Variants in NRCAM observed in about 807,000 individuals in gnomAD.
NRCAM encodes the protein neuronal cell adhesion molecule, also known as NgCAM-related cell adhesion molecule.
Under a neutral mutation model 156.5 loss-of-function variants are expected in NRCAM, and 83 were observed. The observed-to-expected ratio is 0.53, with a 90% CI of 0.44 to 0.64. The LOEUF is 0.64. Among genes scored for constraint, NRCAM ranks in the 30% least tolerant of loss-of-function variants. The pLI is 0.00. For synonymous variants in NRCAM, 538 were observed against 563.9 expected, an observed-to-expected ratio of 0.95 and a Z score of 0.65; for missense variants, 1,417 against 1,597.3, an observed-to-expected ratio of 0.89 and a Z score of 1.92.
At chr7:108,253,464 G>C (rs560298552) in intron 3 of NRCAM, among the ~76,000 whole-genome samples, 1 of 152,302 alleles carries the variant, frequency 6.6e-6, no homozygotes. Context: ...AAGTCCAAGC[G>C]TATAGTGTGT....
At chr7:108,384,686 A>G (rs575465326) in intron 2 of NRCAM, among the ~76,000 whole-genome samples, 1 of 152,344 alleles carries the variant, frequency 6.6e-6, no homozygotes, top group African/African-American at 2.4e-5. Context: ...GTTAAAACAC[A>G]TGCTCTGATT....
chr7:108,175,431 C>T (rs1048820989), intron 27 of NRCAM, 74 bp from the exon 28 acceptor site: 14 of 1,253,744 alleles, frequency 1.1e-5, no homozygotes, highest in Non-Finnish European at 1.5e-5. Context: ...TATAGCGATA[C>T]AAAAACACTT....
At chr7:108,297,987 G>C (rs1366571193) in intron 3 of NRCAM, among the ~76,000 whole-genome samples, 2 of 152,178 alleles carry the variant, frequency 1.3e-5, no homozygotes, top group African/African-American at 2.4e-5. Flanking sequence ...ATCCTGGCTT[G>C]CTCATGGGGC....
chr7:108,172,087 TC>T (rs2058663074), intron 28 of NRCAM, among the ~76,000 whole-genome samples: 1 of 152,154 alleles, frequency 6.6e-6, no homozygotes, highest in South Asian at 2.1e-4. Flanking sequence ...GTTTCTGTAT[TC>T]CAACTAATTA....
intron 2 of NRCAM, among the ~76,000 whole-genome samples, chr7:108,342,178 T>C (rs981556120): frequency 1.3e-5 from 2 of 152,230 alleles, no homozygotes; most frequent in Non-Finnish European, 2.9e-5. Flanking sequence ...AAGTGAATGA[T>C]TTACTTTCAG....
At chr7:108,267,289 T>C (rs2154024860) in intron 3 of NRCAM, among the ~76,000 whole-genome samples, 1 of 152,342 alleles carries the variant, frequency 6.6e-6, no homozygotes, top group African/African-American at 2.4e-5. Flanking sequence ...AGATGTGTGA[T>C]TAGAACTATA....
intron 3 of NRCAM, among the ~76,000 whole-genome samples, chr7:108,260,444 A>C (rs536087074): frequency 1.3e-5 from 2 of 152,330 alleles, no homozygotes; most frequent in African/African-American, 4.8e-5. Flanking sequence ...GATGCTGGAA[A>C]GGATGGAGAG....
chr7:108,287,278 T>A (rs1373714117), intron 3 of NRCAM, among the ~76,000 whole-genome samples: 8 of 152,036 alleles, frequency 5.3e-5, no homozygotes, highest in Non-Finnish European at 1.2e-4. Context: ...TCAAAGAATT[T>A]ATGACTAAGT....
rs1294428727 is a variant in NRCAM, at chr7:108,147,888, G to C, written c.*2022C>G. 2 of 152,642 alleles carry C rather than the reference G, an allele frequency of 1.3e-5. No homozygotes were observed. The highest frequency in any genetic ancestry group is 4.8e-5 in the African/African-American group (2 of 41,464). 9.5% of individuals were successfully genotyped at this position (152,642 alleles called of 1,614,324 possible). On this transcript the variant is annotated 3_prime_UTR_variant, in exon 33 of 33. Transcript: ENST00000379028. The stretch of plus-strand genomic sequence containing the variant: ...CTACCAGTATGGAAGAGGAAAAAAT[G>C]TAGTTTTATTGTTCTCCCAAAATAT...
Position 108,236,434 on chromosome 7 carries a change from G to A in NRCAM, c.124+1318C>T, listed in dbSNP as rs117257520. Among the ~76,000 whole-genome samples, 990 of 151,130 alleles carry A rather than the reference G, an allele frequency of 6.6e-3. 5 individuals are homozygous for A. The highest frequency in any genetic ancestry group is 0.011 in the South Asian group (50 of 4,758). On this transcript the variant is annotated intron_variant, in intron 5 of 32. Coordinates refer to ENST00000379028, the MANE Select transcript of NRCAM (RefSeq NM_001037132.4). ...CTTTCCAGCTGCCCTTCCCCCCTCCGTCATCCATATGGAATCCTCATTTTT... is the reference window on the plus strand; with the variant it reads ...CTTTCCAGCTGCCCTTCCCCCCTCCATCATCCATATGGAATCCTCATTTTT...
intron 2 of NRCAM, among the ~76,000 whole-genome samples, chr7:108,388,217 C>T (rs1188374368): frequency 4.6e-5 from 7 of 152,070 alleles, no homozygotes; most frequent in South Asian, 4.1e-4. Flanking sequence ...CTCTCCAGCA[C>T]CTGTTGTTTC....
At chr7:108,175,782 T>A (rs965958579) in intron 27 of NRCAM, among the ~76,000 whole-genome samples, 1 of 152,208 alleles carries the variant, frequency 6.6e-6, no homozygotes, top group African/African-American at 2.4e-5. Context: ...TTTGATAATT[T>A]TCATTGAATC....
chr7:108,289,323 C>T (rs1035341708), intron 3 of NRCAM, among the ~76,000 whole-genome samples: 2 of 152,140 alleles, frequency 1.3e-5, no homozygotes, highest in East Asian at 1.9e-4. Flanking sequence ...AATATATATT[C>T]ATTGTGGAAT....
intron 3 of NRCAM, among the ~76,000 whole-genome samples, chr7:108,255,134 C>A (rs2096563504): frequency 6.6e-6 from 1 of 151,992 alleles, no homozygotes; most frequent in African/African-American, 2.4e-5. Context: ...AACCTCAAAA[C>A]TATGCTGAGT....
At chr7:108,193,991 T>A (rs747029859) in intron 17 of NRCAM, 33 bp downstream of exon 17, 1 of 1,604,238 alleles carries the variant, frequency 6.2e-7, no homozygotes, top group Non-Finnish European at 8.5e-7. Context: ...AAAGAAAGAA[T>A]GAAGAGAAAG....
At chr7:108,408,099 TTTG>T (rs1442676833) in intron 1 of NRCAM, among the ~76,000 whole-genome samples, 1 of 152,182 alleles carries the variant, frequency 6.6e-6, no homozygotes, top group East Asian at 1.9e-4. Context: ...CAATAACAGA[TTTG>T]TTTTCTTTTT....
At chr7:108,215,602 T>G (rs373123807) in intron 11 of NRCAM, among the ~76,000 whole-genome samples, 5 of 152,144 alleles carry the variant, frequency 3.3e-5, no homozygotes, top group Non-Finnish European at 5.9e-5. Context: ...CTGTATTGGC[T>G]CCATATATTT....
At position 108,300,014 on chromosome 7, in the gene NRCAM, A is replaced by T. The variant is rs150327270; in HGVS notation, c.-107+12651T>A. 3.3e-5 allele frequency among the ~76,000 whole-genome samples: 5 copies of T among 152,328 alleles called. No individual in the cohort carries two copies. In the East Asian group the frequency reaches 9.6e-4, roughly 29 times the overall value. ...GTGCAGTACTTAGAACATGTCTAGC[A>T]CATGGTAAGCCTCAATAAATGGTGA... is the stretch of plus-strand genomic sequence containing the variant. On this transcript the variant is annotated intron_variant, in intron 3 of 32. Transcript: ENST00000379028.
At chr7:108,378,561 T>C (rs528947156) in intron 2 of NRCAM, among the ~76,000 whole-genome samples, 1 of 151,058 alleles carries the variant, frequency 6.6e-6, no homozygotes, top group East Asian at 1.9e-4. Context: ...AAATAGTGCC[T>C]AAGAATTCTT....
Sources: gnomAD v4.1 joint callset for allele counts (sites outside exome capture counted in the v4.1 genomes callset) on GRCh38, gnomAD v4.1.1 for gene constraint, MANE v1.5 for transcripts, NCBI Gene and HGNC (gene_info 2026-07-23, HGNC 2026-07-21) for gene names.